Variants in GALNT13 observed in about 807,000 individuals in gnomAD.
GALNT13 encodes the protein polypeptide N-acetylgalactosaminyltransferase 13.
GALNT13 carries 28 observed loss-of-function variants against 64.2 expected under a neutral mutation model. The observed-to-expected ratio is 0.44, with a 90% CI of 0.32 to 0.60. GALNT13 has a LOEUF of 0.60. Ranked by LOEUF, GALNT13 falls within the 20% of genes least tolerant of loss-of-function variation. The pLI, the probability that GALNT13 is intolerant of heterozygous loss-of-function variation, is 0.05. For synonymous variants in GALNT13, 214 were observed against 224.6 expected, an observed-to-expected ratio of 0.95 and a Z score of 0.42; for missense variants, 577 against 669.8, an observed-to-expected ratio of 0.86 and a Z score of 1.53.
the GALNT13 span, among the ~76,000 whole-genome samples, chr2:153,148,178 G>T: frequency 6.6e-6 from 1 of 151,806 alleles, no homozygotes; most frequent in Non-Finnish European, 1.5e-5. Context: ...GAAACAGTCC[G>T]AATGCTTCAT....
At chr2:153,076,054 C>T in the GALNT13 span, among the ~76,000 whole-genome samples, 1 of 152,124 alleles carries the variant, frequency 6.6e-6, no homozygotes, top group South Asian at 2.1e-4. Context: ...CTGTTATTAA[C>T]AATAATGCCA....
At chr2:153,739,574 T>A in the GALNT13 span, among the ~76,000 whole-genome samples, 1 of 144,172 alleles carries the variant, frequency 6.9e-6, no homozygotes, top group Non-Finnish European at 1.5e-5. Flanking sequence ...TTTTATTTAT[T>A]TATTCATTAT....
chr2:153,757,267 G>T, the GALNT13 span, among the ~76,000 whole-genome samples: 1 of 152,030 alleles, frequency 6.6e-6, no homozygotes, highest in South Asian at 2.1e-4. Flanking sequence ...AGAACATGTG[G>T]CCTTTGTCTT....
intron 3 of GALNT13, among the ~76,000 whole-genome samples, chr2:154,010,581 T>A (rs1696565335): frequency 6.6e-6 from 1 of 152,150 alleles, no homozygotes; most frequent in Non-Finnish European, 1.5e-5. Context: ...GCATTTCATG[T>A]TAAGATGATG....
the GALNT13 span, among the ~76,000 whole-genome samples, chr2:153,630,815 TTTTTTTTTTA>T: frequency 1.3e-5 from 1 of 77,720 alleles, no homozygotes; most frequent in African/African-American, 5.3e-5. Context: ...ATATTTTTTT[TTTTTTTTTTA>T]TTATACTTTA....
chr2:153,695,157 C>G, the GALNT13 span, among the ~76,000 whole-genome samples: 1 of 152,116 alleles, frequency 6.6e-6, no homozygotes, highest in African/African-American at 2.4e-5. Context: ...GGAAGCTCAA[C>G]AGAGACTCAG....
At chr2:153,255,723 T>C in the GALNT13 span, among the ~76,000 whole-genome samples, 21 of 152,234 alleles carry the variant, frequency 1.4e-4, no homozygotes, top group African/African-American at 5.1e-4. Context: ...CCTTCACTTA[T>C]GAAGCTTAGT....
intron 10 of GALNT13, among the ~76,000 whole-genome samples, chr2:154,404,606 A>G (rs929245793): frequency 1.3e-5 from 2 of 152,136 alleles, no homozygotes; most frequent in Non-Finnish European, 2.9e-5. Context: ...AGTAGCTGAA[A>G]ATGGGAGAAG....
the GALNT13 span, chr2:153,421,538 C>T: frequency 4.3e-6 from 1 of 232,264 alleles, no homozygotes; most frequent in South Asian, 8.3e-5. Context: ...GAACCCAGAA[C>T]CAGTTTCTCC....
chr2:154,176,800 A>T (rs1244799528), intron 4 of GALNT13, among the ~76,000 whole-genome samples: 2 of 152,172 alleles, frequency 1.3e-5, no homozygotes, highest in Non-Finnish European at 2.9e-5. Context: ...AATATATCTC[A>T]TTTAACATGT....
intron 2 of GALNT13, among the ~76,000 whole-genome samples, chr2:153,931,666 T>C (rs778089981): frequency 2.0e-5 from 3 of 152,210 alleles, no homozygotes; most frequent in African/African-American, 4.8e-5. Flanking sequence ...GATTCACGTA[T>C]GTTGAACCAA....
At chr2:154,327,718 T>C (rs983033221) in intron 9 of GALNT13, among the ~76,000 whole-genome samples, 10 of 152,140 alleles carry the variant, frequency 6.6e-5, no homozygotes, top group Admixed American at 5.2e-4. Flanking sequence ...TACTGATACA[T>C]GCTTTGTATT....
chr2:154,427,195 A>T (rs748156708), intron 11 of GALNT13, among the ~76,000 whole-genome samples: 1 of 152,200 alleles, frequency 6.6e-6, no homozygotes, highest in Admixed American at 6.6e-5. Context: ...TTTTTCTCAG[A>T]TGAGGAATCC....
At chr2:153,769,494 A>G in the GALNT13 span, among the ~76,000 whole-genome samples, 1,944 of 151,442 alleles carry the variant, frequency 0.013, 46 homozygotes, top group Admixed American at 0.052. Context: ...ATGCTTCTCT[A>G]TTGCCACTCT....
chr2:153,479,688 A>G, the GALNT13 span, among the ~76,000 whole-genome samples: 3 of 152,340 alleles, frequency 2.0e-5, no homozygotes, highest in African/African-American at 2.4e-5. Flanking sequence ...TCCATCACCT[A>G]GAACGCTGGC....
At chr2:154,447,199 C>T (rs989803445) in intron 12 of GALNT13, among the ~76,000 whole-genome samples, 2 of 151,838 alleles carry the variant, frequency 1.3e-5, no homozygotes. Flanking sequence ...TCTTTTTATT[C>T]AGATACTTTG....
chr2:153,944,349 T>C lies in GALNT13; in HGVS notation c.-104-45T>C. 4.9e-6 allele frequency: 3 copies of C among 617,486 alleles called. No individual in the cohort carries two copies. In the Middle Eastern group the frequency reaches 1.1e-3, roughly 233 times the overall value. The allele number at this position is 617,486 out of a possible 1,614,324, so 38.3% of individuals were successfully genotyped here. Reference sequence around the variant, plus strand: ...ATGTTATATGTTCTTTATCCAAAAATCTATGTGTACAATTAATGAAATTTT... The same window carrying C: ...ATGTTATATGTTCTTTATCCAAAAACCTATGTGTACAATTAATGAAATTTT... On this transcript the variant is annotated intron_variant, in intron 2 of 12. Transcript: ENST00000392825.
the GALNT13 span, among the ~76,000 whole-genome samples, chr2:153,778,854 T>C: frequency 6.6e-6 from 1 of 152,336 alleles, no homozygotes; most frequent in South Asian, 2.1e-4. Flanking sequence ...TTTTCTTCAT[T>C]ATTTTTCTGT....
chr2:154,038,175 A>C (rs1352931846), intron 3 of GALNT13, among the ~76,000 whole-genome samples: 1 of 152,132 alleles, frequency 6.6e-6, no homozygotes, highest in African/African-American at 2.4e-5. Flanking sequence ...GAAAGAATTA[A>C]TATTGTTACA....
Sources: gnomAD v4.1 joint callset for allele counts (sites outside exome capture counted in the v4.1 genomes callset) on GRCh38, gnomAD v4.1.1 for gene constraint, MANE v1.5 for transcripts, NCBI Gene and HGNC (gene_info 2026-07-23, HGNC 2026-07-21) for gene names.